AIG1: variants seen among roughly 807,000 people sequenced by gnomAD.
AIG1 encodes the protein androgen induced 1.
AIG1 carries 23 observed loss-of-function variants against 31.4 expected under a neutral mutation model. That is an observed-to-expected ratio of 0.73 (90% CI 0.53 to 1.04). The LOEUF is 1.04. AIG1 is among the 50% of genes least tolerant of loss of function. The pLI is 0.00. For synonymous variants in AIG1, 100 were observed against 110.5 expected (o/e 0.90, Z 0.60); for missense variants, 274 against 295.0 (o/e 0.93, Z 0.52).
chr6:143,072,233 A>T (rs1213107040), intron 1 of AIG1, among the ~76,000 whole-genome samples: 1 of 152,102 alleles, frequency 6.6e-6, no homozygotes, highest in Non-Finnish European at 1.5e-5. Context: ...GTTTATTGTT[A>T]GTGTATAGAC....
rs773979512 is a variant in AIG1, at chr6:143,136,988, G to A, written c.295G>A (p.Val99Ile). 1.1e-5 allele frequency: 15 copies of A among 1,417,164 alleles called. No individual in the cohort carries two copies. Among genetic ancestry groups the A allele is most frequent in the Non-Finnish European group, 1.1e-5 (12 of 1,067,526 alleles). The allele number at this position is 1,417,164 out of a possible 1,614,324, so 87.8% of individuals were successfully genotyped here. Reference protein sequence around the residue: ...MLAVLAFPVGVFVVAVFWIIY... With the variant: ...MLAVLAFPVGIFVVAVFWIIY... ...AGCTGTGTTGGCCTTTCCTGTTGGG[G>A]TTGTGAGTATGATGGAGGATGCATT... The change falls in exon 2 of 6, where the codon GTT becomes ATT. Residue 99 changes from valine (V) to isoleucine (I), a missense_variant and splice_region_variant. This residue lies in a region of AIG1 where 243 missense variants were observed against 238.5 expected (regional missense o/e 1.02). Transcript: ENST00000357847.
intron 3 of AIG1, among the ~76,000 whole-genome samples, chr6:143,235,589 C>T (rs1226598916): frequency 6.6e-6 from 1 of 151,556 alleles, no homozygotes; most frequent in Non-Finnish European, 1.5e-5. Flanking sequence ...CCAGGCTCCC[C>T]ATCTCACTCT....
intron 4 of AIG1, among the ~76,000 whole-genome samples, chr6:143,294,089 T>A (rs1212888951): frequency 6.6e-6 from 1 of 152,200 alleles, no homozygotes; most frequent in Non-Finnish European, 1.5e-5. Context: ...AAAGGGCCTC[T>A]ATGTTTTTCA....
At chr6:143,178,192 C>G (rs1788363887) in intron 3 of AIG1, among the ~76,000 whole-genome samples, 1 of 152,130 alleles carries the variant, frequency 6.6e-6, no homozygotes, top group African/African-American at 2.4e-5. Context: ...TGTGTGTGCT[C>G]AGATTCTGGG....
intron 1 of AIG1, among the ~76,000 whole-genome samples, chr6:143,125,618 T>C (rs2128506072): frequency 6.6e-6 from 1 of 152,352 alleles, no homozygotes; most frequent in South Asian, 2.1e-4. Context: ...ATTTGCAGAT[T>C]AGAATGGAGT....
intron 1 of AIG1, among the ~76,000 whole-genome samples, chr6:143,065,683 G>A (rs1348968233): frequency 2.0e-5 from 3 of 152,176 alleles, no homozygotes; most frequent in Non-Finnish European, 4.4e-5. Flanking sequence ...AATTTTCATT[G>A]AGTATTCTTT....
At chr6:143,067,831 T>A (rs1167219052) in intron 1 of AIG1, among the ~76,000 whole-genome samples, 1 of 152,202 alleles carries the variant, frequency 6.6e-6, no homozygotes, top group Non-Finnish European at 1.5e-5. Context: ...TTTGGGGTTT[T>A]GGATATTATA....
At chr6:143,252,639 T>G (rs1047038924) in intron 3 of AIG1, among the ~76,000 whole-genome samples, 7 of 152,184 alleles carry the variant, frequency 4.6e-5, no homozygotes, top group South Asian at 4.1e-4. Context: ...ATGAGTAAGG[T>G]CAGAATGGTT....
intron 1 of AIG1, chr6:143,061,620 T>G: frequency 3.5e-6 from 1 of 288,506 alleles, no homozygotes; most frequent in Non-Finnish European, 7.0e-6. Context: ...CCATTGTCAA[T>G]AATTTACTTT....
intron 4 of AIG1, among the ~76,000 whole-genome samples, chr6:143,321,993 A>G (rs555024032): frequency 6.6e-6 from 1 of 152,350 alleles, no homozygotes; most frequent in African/African-American, 2.4e-5. Flanking sequence ...TGAAAAAAAT[A>G]TATAAGAAAC....
intron 4 of AIG1, among the ~76,000 whole-genome samples, chr6:143,296,141 T>C (rs2128692878): frequency 6.6e-6 from 1 of 152,102 alleles, no homozygotes; most frequent in East Asian, 1.9e-4. Context: ...ATATAAAGGG[T>C]TTACGACACC....
chr6:143,327,285 CA>C lies in AIG1; in HGVS notation c.516-5994del. The C allele has an allele frequency of 4.8e-6, 1 of 210,462 alleles. No individual in the cohort carries two copies. 13.0% of individuals were successfully genotyped at this position (210,462 alleles called of 1,614,324 possible). A position where few individuals can be genotyped will look rare whatever the true frequency, so the allele number is the denominator to read the frequency against. Reference sequence around the variant, plus strand: ...CTTGGGCCTGGCAGAATGGTTCTCACAAAGAAGGATGGCAAGACAAAAAGGG... The same window carrying C: ...CTTGGGCCTGGCAGAATGGTTCTCACAAGAAGGATGGCAAGACAAAAAGGG... On this transcript the variant is annotated intron_variant, in intron 4 of 5. Transcript: ENST00000357847. This position sits in a 1 kb window ranked among gnomAD's most constrained non-coding sequence, Gnocchi z 5.3.
rs573835109 is a variant in AIG1 at position 143,331,950 on chromosome 6, C to A, written c.516-1332C>A. Among the ~76,000 whole-genome samples, 29 of 151,560 alleles carry A rather than the reference C, an allele frequency of 1.9e-4. 1 individual carries two copies. In the South Asian group the frequency reaches 5.0e-3, roughly 26 times the overall value. On this transcript the variant is annotated intron_variant, in intron 4 of 5. Coordinates refer to ENST00000357847, the MANE Select transcript of AIG1 (RefSeq NM_016108.4). This position sits in a 1 kb window ranked among gnomAD's most constrained non-coding sequence, Gnocchi z 4.1. ...GCAGTGGTGTGATCTCAGCTCACTGCAACCTCTGCCTCCCAGGGTCAAGTG... is the reference window on the plus strand; with the variant it reads ...GCAGTGGTGTGATCTCAGCTCACTGAAACCTCTGCCTCCCAGGGTCAAGTG...
chr6:143,111,603 A>G (rs1233936136), intron 1 of AIG1, among the ~76,000 whole-genome samples: 1 of 152,154 alleles, frequency 6.6e-6, no homozygotes, highest in Non-Finnish European at 1.5e-5. Context: ...TTGAAAGCTT[A>G]TCCTGAAATA....
intron 2 of AIG1, among the ~76,000 whole-genome samples, chr6:143,141,088 A>C (rs550844049): frequency 4.6e-5 from 7 of 152,230 alleles, no homozygotes; most frequent in Non-Finnish European, 1.0e-4. Context: ...TTCATGGTGC[A>C]GGCAAATGGC....
In AIG1 at chr6:143,286,090, A is replaced by T. The variant is rs17591603; in HGVS notation, c.515+1865A>T. 4.6e-3 allele frequency among the ~76,000 whole-genome samples: 609 copies of T among 133,592 alleles called. 24 individuals are homozygous for T. The East Asian group carries it at 0.097, about 21-fold the overall frequency. The allele number at this position is 133,592 out of a possible 152,430, so 87.6% of individuals were successfully genotyped here. ...TACCTGTGGAAAAGGCAAGTTCTTTACTCTGGGAACTCTAGGTATATTTCT... is the reference window on the plus strand; with the variant it reads ...TACCTGTGGAAAAGGCAAGTTCTTTTCTCTGGGAACTCTAGGTATATTTCT... On this transcript the variant is annotated intron_variant, in intron 4 of 5. Coordinates refer to ENST00000357847, the MANE Select transcript of AIG1 (RefSeq NM_016108.4).
In AIG1 at chr6:143,288,022, C is replaced by T. The variant is rs138756764; in HGVS notation, c.515+3797C>T. ...CAGGGGTGCTGGGTAACACAGGGAGCTTTAAGATCATGGGCTCCTGTCTCT... is the reference window on the plus strand; with the variant it reads ...CAGGGGTGCTGGGTAACACAGGGAGTTTTAAGATCATGGGCTCCTGTCTCT... On this transcript the variant is annotated intron_variant, in intron 4 of 5. Transcript: ENST00000357847. This position sits in a 1 kb window ranked among gnomAD's most constrained non-coding sequence, Gnocchi z 4.4. Among the ~76,000 whole-genome samples, 54 of 152,166 alleles carry T rather than the reference C, an allele frequency of 3.5e-4. No homozygotes were observed. The highest frequency in any genetic ancestry group is 1.3e-3 in the African/African-American group (52 of 41,502).
At chr6:143,181,872 G>A (rs552656605) in intron 3 of AIG1, among the ~76,000 whole-genome samples, 1 of 152,266 alleles carries the variant, frequency 6.6e-6, no homozygotes, top group African/African-American at 2.4e-5. Context: ...AGTTGGAAAA[G>A]GGGGAGACCA....
chr6:143,110,483 A>G (rs1477820012), intron 1 of AIG1, among the ~76,000 whole-genome samples: 1 of 152,150 alleles, frequency 6.6e-6, no homozygotes, highest in East Asian at 1.9e-4. Flanking sequence ...CCTTGTCAGT[A>G]AAGTTTTGGG....
Sources: gnomAD v4.1 joint callset for allele counts (sites outside exome capture counted in the v4.1 genomes callset) on GRCh38, gnomAD v4.1.1 for gene constraint, gnomAD v4.1.1 regional missense constraint, Gnocchi (gnomAD v3.1) non-coding constraint, MANE v1.5 for transcripts, NCBI Gene and HGNC (gene_info 2026-07-23, HGNC 2026-07-21) for gene names.